The following ACAN variants were observed in gnomAD, a reference collection of about 807,000 sequenced individuals.
ACAN encodes the protein aggrecan.
ACAN carries 47 observed loss-of-function variants against 169.1 expected under a neutral mutation model. The ratio of observed to expected loss-of-function variants is 0.28; its 90% CI spans 0.22 to 0.35. The LOEUF is 0.35. Among genes scored for constraint, ACAN ranks in the 10% least tolerant of loss-of-function variants. The probability of loss-of-function intolerance (pLI) is 1.00; values close to 1 mark genes in which losing one functional copy is unlikely to be tolerated. For synonymous variants in ACAN, 1,115 were observed against 1,112.2 expected (o/e 1.00, Z -0.05); for missense variants, 2,716 against 2,759.9 (o/e 0.98, Z 0.36).
intron 7 of ACAN, among the ~76,000 whole-genome samples, chr15:88,846,917 T>C (rs16942344): frequency 0.031 from 4,757 of 152,310 alleles, 241 homozygotes; most frequent in African/African-American, 0.11. Context: ...GATGACAGTG[T>C]TCTAGGTGCT....
At chr15:88,848,065 G>T in intron 9 of ACAN, 27 bp downstream of exon 9, 3 of 1,608,454 alleles carry the variant, frequency 1.9e-6, no homozygotes, top group Non-Finnish European at 2.6e-6. Context: ...CACATTTCGG[G>T]CCCTAGATGG....
chr15:88,868,334 G>A lies in ACAN; in HGVS notation c.7060+5G>A, dbSNP rs1249634532. On this transcript the variant is annotated splice_donor_5th_base_variant and intron_variant, in intron 14 of 18. Transcript: ENST00000560601. The surrounding 1 kb of genome is among the most constrained non-coding windows in gnomAD (Gnocchi z 5.2). ...AAGGGGACCTGTGTGAGATTGGTACGGCCGTCTTGGCTTCAGCTAATGTTA... is the reference window on the plus strand; with the variant it reads ...AAGGGGACCTGTGTGAGATTGGTACAGCCGTCTTGGCTTCAGCTAATGTTA... 12 of 702,366 alleles carry A rather than the reference G, an allele frequency of 1.7e-5. No individual in the cohort carries two copies. Among genetic ancestry groups the A allele is most frequent in the Middle Eastern group, 2.3e-4 (1 of 4,376 alleles). 43.5% of individuals were successfully genotyped at this position (702,366 alleles called of 1,614,324 possible). A position where few individuals can be genotyped will look rare whatever the true frequency, so the allele number is the denominator to read the frequency against.
At chr15:88,819,115 A>G (rs1351390040) in intron 1 of ACAN, among the ~76,000 whole-genome samples, 1 of 152,184 alleles carries the variant, frequency 6.6e-6, no homozygotes, top group Non-Finnish European at 1.5e-5. Flanking sequence ...ATTAAGCACT[A>G]TAATCCGGAC....
rs570039608 is a variant in ACAN at position 88,816,777 on chromosome 15, T to G, written c.-8+12968T>G. On this transcript the variant is annotated intron_variant, in intron 1 of 18. Coordinates refer to ENST00000560601, the MANE Select transcript of ACAN (RefSeq NM_001369268.1). ...TGGGCCCCATGGATCAAGGTATGTGTGTAAGCTCCTGTTTATTTCAACGCA... is the reference window on the plus strand; with the variant it reads ...TGGGCCCCATGGATCAAGGTATGTGGGTAAGCTCCTGTTTATTTCAACGCA... Among the ~76,000 whole-genome samples, 6 of 152,338 alleles carry G rather than the reference T, an allele frequency of 3.9e-5. No individual in the cohort carries two copies. In the South Asian group the frequency reaches 1.2e-3, roughly 32 times the overall value.
rs1349626660 is a variant in ACAN, at chr15:88,847,964, C to T, written c.1658C>T (p.Pro553Leu). The change falls in exon 9 of 19, where the codon CCA becomes CTA. Residue 553 changes from proline to leucine, a missense_variant. By Grantham distance (98) the Pro-to-Leu change is moderately conservative (BLOSUM62 -3). Transcript: ENST00000560601. ...TGCGTGGGTGACAAGGACAGCAGCC[C>T]AGGGGTCAGGACCTATGGCGTGCGC... ...TPCVGDKDSSPGVRTYGVRPS... is the reference protein window; with the variant it reads ...TPCVGDKDSSLGVRTYGVRPS... 12 of 1,614,014 alleles carry T rather than the reference C, an allele frequency of 7.4e-6. No homozygotes were observed.
Position 88,838,184 on chromosome 15 carries a change from C to T in ACAN, c.71-479C>T, listed in dbSNP as rs1896554415. 6.6e-6 allele frequency among the ~76,000 whole-genome samples: 1 copy of T among 152,120 alleles called. No individual in the cohort carries two copies. The highest frequency in any genetic ancestry group is 1.5e-5 in the Non-Finnish European group (1 of 68,026). On this transcript the variant is annotated intron_variant, in intron 2 of 18. Transcript: ENST00000560601. This position sits in a 1 kb window ranked among gnomAD's most constrained non-coding sequence, Gnocchi z 5.1. ...AATCAGGCTCGCACCCAAAAGCAGA[C>T]CTCCCCAAATGGGACACATCTTAGA...
chr15:88,804,919 C>A (rs1895639912), intron 1 of ACAN, among the ~76,000 whole-genome samples: 2 of 152,098 alleles, frequency 1.3e-5, no homozygotes, highest in South Asian at 4.1e-4. Context: ...GTCCTGGGTG[C>A]TGCAGTGGGT....
intron 1 of ACAN, among the ~76,000 whole-genome samples, chr15:88,831,861 T>G (rs1896372880): frequency 6.6e-6 from 1 of 152,144 alleles, no homozygotes; most frequent in Non-Finnish European, 1.5e-5. Flanking sequence ...AAGCGTTGGT[T>G]GGAGGGGCCA....
chr15:88,868,005 C>G lies in ACAN; in HGVS notation c.6947-211C>G, dbSNP rs1042923882. ...AAGTTTACCAATCAAGAATCACACACGCCCAAGAAAACCCTTGTCTGGATC... is the reference window on the plus strand; with the variant it reads ...AAGTTTACCAATCAAGAATCACACAGGCCCAAGAAAACCCTTGTCTGGATC... On this transcript the variant is annotated intron_variant, in intron 13 of 18. Transcript: ENST00000560601. The surrounding 1 kb of genome is among the most constrained non-coding windows in gnomAD (Gnocchi z 5.2). 1.3e-5 allele frequency among the ~76,000 whole-genome samples: 2 copies of G among 152,222 alleles called. No individual in the cohort carries two copies. The highest frequency in any genetic ancestry group is 4.8e-5 in the African/African-American group (2 of 41,458).
In ACAN at chr15:88,849,906, G is replaced by C. The variant is rs1208396784; in HGVS notation, c.2026+175G>C. On this transcript the variant is annotated intron_variant, in intron 10 of 18. Transcript: ENST00000560601. This position sits in a 1 kb window ranked among gnomAD's most constrained non-coding sequence, Gnocchi z 5.1. ...AACGCAGGCTTTGACCCCAAGGCAA[G>C]GTCATCCTTCTAAAGTTCCCCAGAG... The C allele has an allele frequency of 4.4e-6, 4 of 909,498 alleles. No homozygotes were observed. Among genetic ancestry groups the C allele is most frequent in the Non-Finnish European group, 7.0e-6 (4 of 574,102 alleles). 56.3% of individuals were successfully genotyped at this position (909,498 alleles called of 1,614,324 possible).
chr15:88,838,828 C>G lies in ACAN; in HGVS notation c.236C>G (p.Ser79Cys). ...LAPRIKWSRV[S>C]KEKEVVLLVA... ...CCAAGAATCAAGTGGAGCCGTGTGT[C>G]CAAGGAGAAGGAGGTAGTGCTGCTG... The change falls in exon 3 of 19, where the codon TCC becomes TGC. Residue 79 changes from serine (S) to cysteine (C), a missense_variant. Physicochemically the swap from Ser to Cys is moderately radical, Grantham distance 112 (BLOSUM62 -1). Coordinates refer to ENST00000560601, the MANE Select transcript of ACAN (RefSeq NM_001369268.1). The surrounding 1 kb of genome is among the most constrained non-coding windows in gnomAD (Gnocchi z 5.1). 1.2e-6 allele frequency: 2 copies of G among 1,614,002 alleles called. No individual in the cohort carries two copies. Among genetic ancestry groups the G allele is most frequent in the Non-Finnish European group, 1.7e-6 (2 of 1,179,892 alleles).
At position 88,861,122 on chromosome 15, in the gene ACAN, G is replaced by A. The variant is rs538248727; in HGVS notation, c.6946+683G>A. 3.0e-4 allele frequency among the ~76,000 whole-genome samples: 46 copies of A among 152,198 alleles called. No homozygotes were observed. Among genetic ancestry groups the A allele is most frequent in the African/African-American group, 9.4e-4 (39 of 41,526 alleles). ...GGTTAGAATCTACCTGTTGTTCCAC[G>A]GACACACGGGAGGCCCGTGGTCATG... On this transcript the variant is annotated intron_variant, in intron 13 of 18. Transcript: ENST00000560601. The surrounding 1 kb of genome is among the most constrained non-coding windows in gnomAD (Gnocchi z 6.3).
Position 88,858,260 on chromosome 15 carries a change from C to G in ACAN, c.5675C>G (p.Pro1892Arg), listed in dbSNP as rs368491136. The change falls in exon 12 of 19, where the codon CCG becomes CGG. Residue 1892 changes from proline to arginine, a missense_variant. Pro to Arg is a moderately radical substitution (Grantham distance 103). This residue lies in a region of ACAN where 1,389 missense variants were observed against 1,363.7 expected (regional missense o/e 1.02). Coordinates refer to ENST00000560601, the MANE Select transcript of ACAN (RefSeq NM_001369268.1). This position sits in a 1 kb window ranked among gnomAD's most constrained non-coding sequence, Gnocchi z 4.0. ...VDSSGFTSQT[P>R]EFSGLPSGIA... ...TCCAGTGGGTTTACATCCCAGACTC[C>G]GGAATTCAGTGGCCTACCAAGTGGC... is the stretch of plus-strand genomic sequence containing the variant. The G allele has an allele frequency of 6.9e-5, 112 of 1,613,802 alleles. No homozygotes were observed. The highest frequency in any genetic ancestry group is 8.9e-5 in the Non-Finnish European group (105 of 1,179,902).
At chr15:88,829,111 A>T (rs1896296410) in intron 1 of ACAN, among the ~76,000 whole-genome samples, 1 of 89,664 alleles carries the variant, frequency 1.1e-5, no homozygotes, top group Non-Finnish European at 2.5e-5. Context: ...AAACACATGG[A>T]ATTTGATTTA....
At chr15:88,832,536 G>A (rs1194842982) in intron 1 of ACAN, among the ~76,000 whole-genome samples, 3 of 152,132 alleles carry the variant, frequency 2.0e-5, no homozygotes, top group African/African-American at 7.2e-5. Flanking sequence ...CTTGAACCTG[G>A]GAGGCAGAGG....
At chr15:88,840,810 A>G (rs557506397) in intron 4 of ACAN, among the ~76,000 whole-genome samples, 2 of 151,838 alleles carry the variant, frequency 1.3e-5, no homozygotes, top group South Asian at 4.2e-4. Flanking sequence ...AGATGAGATA[A>G]TAGTCTAGCA....
At position 88,845,902 on chromosome 15, in the gene ACAN, T is replaced by A; in HGVS notation, c.1429+20T>A. The A allele has an allele frequency of 6.9e-7, 1 of 1,443,580 alleles. No homozygotes were observed. Among genetic ancestry groups the A allele is most frequent in the East Asian group, 2.5e-5 (1 of 39,808 alleles). 89.4% of individuals were successfully genotyped at this position (1,443,580 alleles called of 1,614,324 possible). A position where few individuals can be genotyped will look rare whatever the true frequency, so the allele number is the denominator to read the frequency against. ...CAGGGGGTAAGTAGCTGCCCGTGGG[T>A]GCATCCAGGGGCAGGTGGAGAGAAC... On this transcript the variant is annotated intron_variant, in intron 7 of 18. Transcript: ENST00000560601.
rs1252508067 is a variant in ACAN, at chr15:88,870,637, A to G, written c.7061-745A>G. ...TCCCCTAGGCTGTCCAAGAACTCCA[A>G]GCCAGCCCCTTCTCCAGACTGAGAA... On this transcript the variant is annotated intron_variant, in intron 14 of 18. Transcript: ENST00000560601. The surrounding 1 kb of genome is among the most constrained non-coding windows in gnomAD (Gnocchi z 6.3). 6.6e-6 allele frequency among the ~76,000 whole-genome samples: 1 copy of G among 152,142 alleles called. No homozygotes were observed. The highest frequency in any genetic ancestry group is 1.5e-5 in the Non-Finnish European group (1 of 68,016).
chr15:88,841,892 G>T, intron 5 of ACAN, 25 bp downstream of exon 5: 2 of 1,612,284 alleles, frequency 1.2e-6, no homozygotes, highest in East Asian at 4.5e-5. Flanking sequence ...CCACCAGGAG[G>T]CACCCAGCTC....
Sources: allele counts gnomAD v4.1 joint callset (sites outside exome capture counted in the v4.1 genomes callset), GRCh38; gene constraint gnomAD v4.1.1; regional missense constraint gnomAD v4.1.1; non-coding constraint Gnocchi (gnomAD v3.1); transcripts MANE v1.5; gene names NCBI Gene and HGNC (gene_info 2026-07-23, HGNC 2026-07-21).